EXPH5: variants seen among roughly 807,000 people sequenced by gnomAD.
EXPH5 encodes the protein exophilin-5.
Under a neutral mutation model 41.1 loss-of-function variants are expected in EXPH5, and 42 were observed. That is an observed-to-expected ratio of 1.02 (90% CI 0.80 to 1.32). The LOEUF is 1.32. EXPH5 is among the 40% of genes most tolerant of loss of function. The pLI is 0.00. For missense variants in EXPH5, 2,298 were observed against 2,314.5 expected, an observed-to-expected ratio of 0.99 and a Z score of 0.15; for synonymous variants, 798 against 833.5, an observed-to-expected ratio of 0.96 and a Z score of 0.73.
At chr11:108,526,277 A>C (rs868396618) in intron 4 of EXPH5, among the ~76,000 whole-genome samples, 1 of 151,980 alleles carries the variant, frequency 6.6e-6, no homozygotes, top group African/African-American at 2.4e-5. Flanking sequence ...ACTGGGTTCC[A>C]TTTCCCTTAT....
At chr11:108,599,981 C>T in the EXPH5 span, among the ~76,000 whole-genome samples, 1 of 152,170 alleles carries the variant, frequency 6.6e-6, no homozygotes, top group Admixed American at 6.5e-5. Context: ...ATACTAATCC[C>T]TTGAACTTGA....
chr11:108,607,347 T>C, the EXPH5 span, among the ~76,000 whole-genome samples: 2 of 152,220 alleles, frequency 1.3e-5, no homozygotes, highest in East Asian at 3.8e-4. Flanking sequence ...GGGGTGAATA[T>C]GGAGTCAACT....
At chr11:108,565,206 T>C (rs2094029621) in intron 1 of EXPH5, among the ~76,000 whole-genome samples, 4 of 152,138 alleles carry the variant, frequency 2.6e-5, no homozygotes. Flanking sequence ...ATGCCTGGCC[T>C]GTAGTTTTTG....
At chr11:108,555,548 T>C (rs977383721) in intron 1 of EXPH5, among the ~76,000 whole-genome samples, 49 of 152,204 alleles carry the variant, frequency 3.2e-4, no homozygotes, top group African/African-American at 1.1e-3. Context: ...ATCTTTCACC[T>C]GGATGTCTGC....
At chr11:108,603,566 C>A in the EXPH5 span, among the ~76,000 whole-genome samples, 3 of 152,154 alleles carry the variant, frequency 2.0e-5, no homozygotes, top group Non-Finnish European at 4.4e-5. Flanking sequence ...ATGTTGATAA[C>A]ATTGTGAACC....
chr11:108,519,812 T>C (rs966953065), intron 4 of EXPH5, among the ~76,000 whole-genome samples: 1 of 150,350 alleles, frequency 6.7e-6, no homozygotes, highest in Admixed American at 6.6e-5. Context: ...TAGCTGGACA[T>C]GGTGGCAGAT....
intron 3 of EXPH5, among the ~76,000 whole-genome samples, chr11:108,528,861 C>T (rs1430921149): frequency 6.6e-6 from 1 of 151,832 alleles, no homozygotes; most frequent in East Asian, 1.9e-4. Flanking sequence ...TGCCACCATG[C>T]CTGGCTAATT....
At position 108,577,537 on chromosome 11, in the gene EXPH5, C is replaced by T. The variant is rs552169059; in HGVS notation, c.119+15881G>A. ...CTCCCAGGTTCAAGTGATTCTCCTGCCTCAGCCTCCCGAGTAGCTGGAATT... is the reference window on the plus strand; with the variant it reads ...CTCCCAGGTTCAAGTGATTCTCCTGTCTCAGCCTCCCGAGTAGCTGGAATT... On this transcript the variant is annotated intron_variant, in intron 1 of 5. Coordinates refer to ENST00000265843, the MANE Select transcript of EXPH5 (RefSeq NM_015065.3). 2.0e-5 allele frequency among the ~76,000 whole-genome samples: 3 copies of T among 152,124 alleles called. No individual in the cohort carries two copies. In the East Asian group the frequency reaches 5.8e-4, roughly 29 times the overall value.
chr11:108,586,716 G>C (rs1038410890), intron 1 of EXPH5, among the ~76,000 whole-genome samples: 4 of 147,338 alleles, frequency 2.7e-5, no homozygotes, highest in Admixed American at 6.8e-5. Context: ...ACCAAGGTAA[G>C]CTTTATCAAT....
intron 1 of EXPH5, among the ~76,000 whole-genome samples, chr11:108,579,076 T>C: frequency 6.6e-6 from 1 of 152,226 alleles, no homozygotes; most frequent in East Asian, 1.9e-4. Context: ...ATCCTTGTCT[T>C]GTTCCAGATC....
chr11:108,530,645 C>A (rs1308215530), intron 3 of EXPH5, among the ~76,000 whole-genome samples: 1 of 152,160 alleles, frequency 6.6e-6, no homozygotes, highest in African/African-American at 2.4e-5. Flanking sequence ...CATGGTGCAT[C>A]CCCACAGTCC....
rs1320757674 is a variant in EXPH5, at chr11:108,513,265, G to C, written c.2242C>G (p.Gln748Glu). ...AACCCGTTGCTCTTGGCTGAGTCCT[G>C]GGATAAGGGATTTTGAAAATCAGGT... ...SLPDFQNPLS[Q>E]DSAKSNGFGF... Residue 748 changes from glutamine to glutamate, a missense_variant, in exon 6 of 6, where the codon CAG (glutamine) becomes GAG (glutamate). Physicochemically the swap from Gln to Glu is conservative, Grantham distance 29. Transcript: ENST00000265843. 3 of 1,611,914 alleles carry C rather than the reference G, an allele frequency of 1.9e-6. No homozygotes were observed. Among genetic ancestry groups the C allele is most frequent in the Non-Finnish European group, 2.5e-6 (3 of 1,179,372 alleles).
intron 2 of EXPH5, among the ~76,000 whole-genome samples, chr11:108,540,521 T>C (rs1313664608): frequency 1.3e-5 from 2 of 152,084 alleles, no homozygotes; most frequent in Non-Finnish European, 2.9e-5. Context: ...ATTATCAACA[T>C]AGAAGTTTAG....
chr11:108,597,831 T>G (rs2094140854), upstream of EXPH5, among the ~76,000 whole-genome samples: 1 of 151,912 alleles, frequency 6.6e-6, no homozygotes. Context: ...AGAAATTTGT[T>G]AAAAAAAACC....
chr11:108,560,350 C>T (rs751959594), intron 1 of EXPH5, among the ~76,000 whole-genome samples: 34 of 152,244 alleles, frequency 2.2e-4, no homozygotes, highest in Non-Finnish European at 4.4e-4. Flanking sequence ...CCCTTTTCCA[C>T]ATGATTGCTG....
chr11:108,576,678 C>A (rs896521506), intron 1 of EXPH5, among the ~76,000 whole-genome samples: 1 of 152,066 alleles, frequency 6.6e-6, no homozygotes, highest in African/African-American at 2.4e-5. Flanking sequence ...GTGTAATGAT[C>A]AAATATGAGT....
rs994367469 is a variant in EXPH5 at position 108,505,927 on chromosome 11, A to G, written c.*3610T>C. ...CAAACCTTTGTTAGTAGCAGTTGGA[A>G]TTTTGTTGGCATCAATGTATTTACA... On this transcript the variant is annotated 3_prime_UTR_variant, in exon 6 of 6. Coordinates refer to ENST00000265843, the MANE Select transcript of EXPH5 (RefSeq NM_015065.3). 3 of 152,200 alleles carry G rather than the reference A, an allele frequency of 2.0e-5. No individual in the cohort carries two copies. Among genetic ancestry groups the G allele is most frequent in the African/African-American group, 7.2e-5 (3 of 41,450 alleles). The allele number at this position is 152,200 out of a possible 1,614,324, so 9.4% of individuals were successfully genotyped here.
chr11:108,593,014 G>T lies in EXPH5; in HGVS notation c.119+404C>A, dbSNP rs1374784566. 5.9e-5 allele frequency among the ~76,000 whole-genome samples: 9 copies of T among 152,232 alleles called. No homozygotes were observed. In the East Asian group the frequency reaches 1.7e-3, roughly 29 times the overall value. On this transcript the variant is annotated intron_variant, in intron 1 of 5. Coordinates refer to ENST00000265843, the MANE Select transcript of EXPH5 (RefSeq NM_015065.3). ...CCCGTGCGAGCACGTGGGTGCGCGC[G>T]GGCCGCGGAGTGAGCAGCAGCCAGG...
rs779958279 is a variant in EXPH5 at position 108,512,662 on chromosome 11, G to T, written c.2845C>A (p.Pro949Thr). ...HSENQERNDSPVPTHDEVVDV... is the reference protein window; with the variant it reads ...HSENQERNDSTVPTHDEVVDV... ...ACCACTTCATCATGTGTAGGCACAG[G>T]ACTATCATTTCTCTCTTGGTTTTCT... The change falls in exon 6 of 6, where the codon CCT (proline) becomes ACT (threonine). Residue 949 changes from proline (P) to threonine (T), a missense_variant. Coordinates refer to ENST00000265843, the MANE Select transcript of EXPH5 (RefSeq NM_015065.3). The T allele has an allele frequency of 6.2e-7, 1 of 1,614,108 alleles. No homozygotes were observed. Among genetic ancestry groups the T allele is most frequent in the South Asian group, 1.1e-5 (1 of 91,078 alleles).
Sources: gnomAD v4.1 joint callset for allele counts (sites outside exome capture counted in the v4.1 genomes callset) on GRCh38, gnomAD v4.1.1 for gene constraint, MANE v1.5 for transcripts, NCBI Gene and HGNC (gene_info 2026-07-23, HGNC 2026-07-21) for gene names.